The following TMEM131 variants were observed in gnomAD, a reference collection of about 807,000 sequenced individuals.
TMEM131 encodes the protein transmembrane protein 131.
Under a neutral mutation model 211.6 loss-of-function variants are expected in TMEM131, and 66 were observed. That is an observed-to-expected ratio of 0.31 (90% CI 0.26 to 0.38). The LOEUF (loss-of-function observed/expected upper bound fraction) is 0.38. TMEM131 is among the 10% of genes least tolerant of loss of function. The probability of loss-of-function intolerance (pLI) is 1.00; values close to 1 mark genes in which losing one functional copy is unlikely to be tolerated. For synonymous variants in TMEM131, 844 were observed against 841.3 expected, an observed-to-expected ratio of 1.00 and a Z score of -0.06; for missense variants, 2,036 against 2,299.3, an observed-to-expected ratio of 0.89 and a Z score of 2.34.
rs1681715113 is a variant in TMEM131 at position 97,814,376 on chromosome 2, A to G, written c.1305T>C (p.Phe435=). Residue 435 remains phenylalanine (F), a synonymous_variant, in exon 14 of 41, where the codon TTT becomes TTC. Transcript: ENST00000186436. The stretch of plus-strand genomic sequence containing the variant: ...TGTGAAATAATGTTGCAGCATGATC[A>G]AATCCCAAATAACTATTAAAAAAAA... ...QAEVLDGYLG[F]DHAATLFHIR... is the part of the protein sequence containing the mutation. 2 of 1,600,326 alleles carry G rather than the reference A, an allele frequency of 1.2e-6. No individual in the cohort carries two copies.
intron 3 of TMEM131, among the ~76,000 whole-genome samples, chr2:97,893,593 G>A (rs961282548): frequency 3.9e-5 from 6 of 152,162 alleles, no homozygotes; most frequent in Non-Finnish European, 7.4e-5. Flanking sequence ...TCTAACTGGC[G>A]TGAGATGGTA....
intron 25 of TMEM131, among the ~76,000 whole-genome samples, chr2:97,798,583 A>G (rs754323264): frequency 7.2e-5 from 11 of 152,254 alleles, no homozygotes; most frequent in Non-Finnish European, 1.3e-4. Context: ...GATTGGTTCC[A>G]GGATTCCTGG....
chr2:97,921,769 G>A (rs1676749918), intron 2 of TMEM131, among the ~76,000 whole-genome samples: 1 of 152,156 alleles, frequency 6.6e-6, no homozygotes, highest in Admixed American at 6.5e-5. Flanking sequence ...TGTCACAAAG[G>A]AAGATATCCA....
At chr2:97,910,001 T>C (rs1478703141) in intron 2 of TMEM131, among the ~76,000 whole-genome samples, 1 of 152,118 alleles carries the variant, frequency 6.6e-6, no homozygotes, top group East Asian at 1.9e-4. Flanking sequence ...GAGATTAATA[T>C]CTAGAATATA....
At chr2:97,945,199 AAGC>A (rs1677975127) in intron 1 of TMEM131, among the ~76,000 whole-genome samples, 1 of 152,208 alleles carries the variant, frequency 6.6e-6, no homozygotes, top group Admixed American at 6.5e-5. Flanking sequence ...TGCTAAGTGA[AAGC>A]AGCCAGATAC....
intron 1 of TMEM131, among the ~76,000 whole-genome samples, chr2:97,980,188 T>G (rs938357472): frequency 1.3e-5 from 2 of 152,140 alleles, no homozygotes; most frequent in African/African-American, 4.8e-5. Context: ...CCATTACAGA[T>G]TTAATACTGA....
chr2:97,880,700 A>AG (rs536842931), intron 4 of TMEM131, among the ~76,000 whole-genome samples: 2 of 152,088 alleles, frequency 1.3e-5, no homozygotes, highest in Admixed American at 1.3e-4. Flanking sequence ...ATGGTAAGTG[A>AG]GGGGGGATGA....
rs1376735162 is a variant in TMEM131, at chr2:97,805,335, G to A, written c.2284+41C>T. The A allele has an allele frequency of 1.1e-5, 17 of 1,598,300 alleles. No individual in the cohort carries two copies. In the South Asian group the frequency reaches 1.9e-4, roughly 18 times the overall value. ...GGCCTCTTACTAAAAGAGTATTTTG[G>A]GGGAAGTGAAGACATGAGAGAGAAC... On this transcript the variant is annotated intron_variant, in intron 21 of 40. Transcript: ENST00000186436.
In TMEM131 at chr2:97,815,222, T is replaced by C. The variant is rs1485133892; in HGVS notation, c.1269A>G (p.Pro423=). Residue 423 remains proline, a synonymous_variant, in exon 13 of 41, where the codon CCA becomes CCG. Transcript: ENST00000186436. The stretch of plus-strand genomic sequence containing the variant: ...ACCCATCTAAAACTTCTGCTTGATA[T>C]GGTATTTCAAGTTTAGAATAACTCT... ...KEKSYSKLEI[P]YQAEVLDGYL... is the part of the protein sequence containing the mutation. 3.9e-6 allele frequency: 6 copies of C among 1,553,526 alleles called. No individual in the cohort carries two copies. Among genetic ancestry groups the C allele is most frequent in the South Asian group, 3.8e-5 (3 of 79,772 alleles).
chr2:97,896,611 G>A (rs748548899), intron 3 of TMEM131, among the ~76,000 whole-genome samples: 2 of 152,078 alleles, frequency 1.3e-5, no homozygotes, highest in Non-Finnish European at 2.9e-5. Context: ...TTACCATTAT[G>A]TAATGCCCTT....
At chr2:97,960,465 C>T (rs1461240348) in intron 1 of TMEM131, among the ~76,000 whole-genome samples, 1 of 151,984 alleles carries the variant, frequency 6.6e-6, no homozygotes, top group Non-Finnish European at 1.5e-5. Context: ...TCCCTTCAAG[C>T]CAGTTTTTGT....
At chr2:97,829,218 G>A (rs1468632094) in intron 11 of TMEM131, among the ~76,000 whole-genome samples, 1 of 152,204 alleles carries the variant, frequency 6.6e-6, no homozygotes, top group Non-Finnish European at 1.5e-5. Context: ...GTGGAGACTT[G>A]GAGAACTTTT....
At chr2:97,963,602 C>G (rs1023694426) in intron 1 of TMEM131, among the ~76,000 whole-genome samples, 1 of 152,158 alleles carries the variant, frequency 6.6e-6, no homozygotes, top group African/African-American at 2.4e-5. Flanking sequence ...GTAATCCCAG[C>G]TACTCAGGAG....
intron 1 of TMEM131, among the ~76,000 whole-genome samples, chr2:97,969,086 CAA>C (rs397698283): frequency 1.4e-5 from 2 of 140,924 alleles, no homozygotes; most frequent in Non-Finnish European, 1.5e-5. Flanking sequence ...GACTCTGTTT[CAA>C]AAAAAAAAAA....
chr2:97,849,164 G>GTGGA (rs764540280), intron 5 of TMEM131, among the ~76,000 whole-genome samples: 1 of 152,158 alleles, frequency 6.6e-6, no homozygotes, highest in Non-Finnish European at 1.5e-5. Context: ...ACAATACAGA[G>GTGGA]TGCTAATAAG....
Position 97,814,342 on chromosome 2 carries a change from T to C in TMEM131, c.1339A>G (p.Ser447Gly). The stretch of plus-strand genomic sequence containing the variant: ...GGCCTTTCCACAGGATCAGCAGGGC[T>C]GTCTCGGATGTGAAATAATGTTGCA... ...HAATLFHIRD[S>G]PADPVERPIY... The change falls in exon 14 of 41, where the codon AGC becomes GGC. Residue 447 changes from serine (S) to glycine (G), a missense_variant. Coordinates refer to ENST00000186436, the MANE Select transcript of TMEM131 (RefSeq NM_015348.2). 6.2e-7 allele frequency: 1 copy of C among 1,613,592 alleles called. No homozygotes were observed. Among genetic ancestry groups the C allele is most frequent in the Non-Finnish European group, 8.5e-7 (1 of 1,179,758 alleles).
rs565682459 is a variant in TMEM131 at position 97,810,789 on chromosome 2, G to A, written c.1968+339C>T. Among the ~76,000 whole-genome samples, 6 of 152,234 alleles carry A rather than the reference G, an allele frequency of 3.9e-5. No individual in the cohort carries two copies. The South Asian group carries it at 1.2e-3, about 32-fold the overall frequency. On this transcript the variant is annotated intron_variant, in intron 18 of 40. Transcript: ENST00000186436. ...TAGACCCTGACTGCTATTTATGATTGTAGGAACAATCAGAGGTATCTAACT... is the reference window on the plus strand; with the variant it reads ...TAGACCCTGACTGCTATTTATGATTATAGGAACAATCAGAGGTATCTAACT...
rs746644929 is a variant in TMEM131, at chr2:97,815,224, G to C, written c.1267C>G (p.Pro423Ala). 6.4e-7 allele frequency: 1 copy of C among 1,556,612 alleles called. No homozygotes were observed. The highest frequency in any genetic ancestry group is 1.4e-5 in the African/African-American group (1 of 71,550). ...CCATCTAAAACTTCTGCTTGATATG[G>C]TATTTCAAGTTTAGAATAACTCTTT... is the stretch of plus-strand genomic sequence containing the variant. ...KEKSYSKLEIPYQAEVLDGYL... is the reference protein window; with the variant it reads ...KEKSYSKLEIAYQAEVLDGYL... The change falls in exon 13 of 41, where the codon CCA becomes GCA. Residue 423 changes from proline (P) to alanine (A), a missense_variant. Physicochemically the swap from Pro to Ala is conservative, Grantham distance 27. Around this residue, in one of 3 missense-constraint regions of TMEM131, gnomAD observed 1,623 missense variants for 1,805.9 expected, o/e 0.90. Coordinates refer to ENST00000186436, the MANE Select transcript of TMEM131 (RefSeq NM_015348.2).
intron 3 of TMEM131, among the ~76,000 whole-genome samples, chr2:97,888,803 A>G (rs1171816385): frequency 6.6e-6 from 1 of 152,220 alleles, no homozygotes. Context: ...GTGGTGGTTC[A>G]CATGCCTAAA....
Sources: allele counts gnomAD v4.1 joint callset (sites outside exome capture counted in the v4.1 genomes callset), GRCh38; gene constraint gnomAD v4.1.1; regional missense constraint gnomAD v4.1.1; transcripts MANE v1.5; gene names NCBI Gene and HGNC (gene_info 2026-07-23, HGNC 2026-07-21).